The following ELOVL4 variants were observed in gnomAD, a reference collection of about 807,000 sequenced individuals.
ELOVL4 encodes the protein very long chain fatty acid elongase 4.
ELOVL4 carries 18 observed loss-of-function variants against 42.1 expected under a neutral mutation model. The ratio of observed to expected loss-of-function variants is 0.43; its 90% CI spans 0.30 to 0.63. The LOEUF (loss-of-function observed/expected upper bound fraction) is 0.63, where lower values mean the gene tolerates loss of function less well. ELOVL4 is among the 30% of genes least tolerant of loss of function. The pLI, the probability that ELOVL4 is intolerant of heterozygous loss-of-function variation, is 0.15. For synonymous variants in ELOVL4, 117 were observed against 127.0 expected (o/e 0.92, Z 0.53); for missense variants, 299 against 376.2 (o/e 0.79, Z 1.70).
At chr6:79,935,494 T>G (rs1429687277) in intron 1 of ELOVL4, among the ~76,000 whole-genome samples, 1 of 152,192 alleles carries the variant, frequency 6.6e-6, no homozygotes, top group Non-Finnish European at 1.5e-5. Context: ...AGAGGCAGCT[T>G]GATACAGGGA....
At chr6:79,932,066 A>G (rs1006403977) in intron 1 of ELOVL4, among the ~76,000 whole-genome samples, 2 of 152,212 alleles carry the variant, frequency 1.3e-5, no homozygotes, top group Admixed American at 6.5e-5. Flanking sequence ...TGTAATGAAA[A>G]TATTTTGAGA....
chr6:79,931,943 A>C (rs1774452393), intron 1 of ELOVL4, among the ~76,000 whole-genome samples: 1 of 152,196 alleles, frequency 6.6e-6, no homozygotes, highest in Non-Finnish European at 1.5e-5. Flanking sequence ...ACCTAAAGCC[A>C]AATATCATAG....
chr6:79,935,601 G>T (rs561606482), intron 1 of ELOVL4, among the ~76,000 whole-genome samples: 1 of 152,062 alleles, frequency 6.6e-6, no homozygotes, highest in Non-Finnish European at 1.5e-5. Context: ...CACTATTTTC[G>T]CATGTGTAAA....
intron 3 of ELOVL4, among the ~76,000 whole-genome samples, chr6:79,924,021 T>C (rs1774301595): frequency 6.6e-6 from 1 of 152,222 alleles, no homozygotes; most frequent in Non-Finnish European, 1.5e-5. Context: ...TGTTATGTTT[T>C]ATATGTAATT....
At position 79,931,273 on chromosome 6, in the gene ELOVL4, C is replaced by T. The variant is rs543623016; in HGVS notation, c.101-4892G>A. ...CCTATTAACCATTTTAAGCCTTTCA[C>T]GTTGTCATGTAAACCTTTACCTAAA... On this transcript the variant is annotated intron_variant, in intron 1 of 5. Transcript: ENST00000369816. Among the ~76,000 whole-genome samples the T allele has an allele frequency of 4.0e-4, 61 of 152,172 alleles. 1 individual carries two copies. Among genetic ancestry groups the T allele is most frequent in the Non-Finnish European group, 7.9e-4 (54 of 68,010 alleles).
Position 79,915,681 on chromosome 6 carries a change from G to C in ELOVL4, c.*927C>G, listed in dbSNP as rs1217324779. On this transcript the variant is annotated 3_prime_UTR_variant, in exon 6 of 6. Coordinates refer to ENST00000369816, the MANE Select transcript of ELOVL4 (RefSeq NM_022726.4). ...TTAATTTTAAATGTTCTTTCCAACG[G>C]AAGAGGTAGGTATATTTCCACATAT... 2 of 152,448 alleles carry C rather than the reference G, an allele frequency of 1.3e-5. No individual in the cohort carries two copies. Among genetic ancestry groups the C allele is most frequent in the African/African-American group, 4.8e-5 (2 of 41,388 alleles). 9.4% of individuals were successfully genotyped at this position (152,448 alleles called of 1,614,324 possible).
intron 1 of ELOVL4, among the ~76,000 whole-genome samples, chr6:79,946,503 G>GC: frequency 6.6e-6 from 1 of 152,040 alleles, no homozygotes. Context: ...CGGTGTTTTG[G>GC]CCTCCCCCTC....
intron 5 of ELOVL4, among the ~76,000 whole-genome samples, chr6:79,918,606 A>G (rs187146787): frequency 0.014 from 2,195 of 152,334 alleles, 28 homozygotes; most frequent in South Asian, 0.038. Flanking sequence ...GCAAAGATGA[A>G]TATTATTTCC....
rs1344305108 is a variant in ELOVL4 at position 79,947,104 on chromosome 6, C to A, written c.100+76G>T. Reference sequence around the variant, plus strand: ...GGGCGCGGGGGCCTGTGGGGCCGGGCCCGGGAGCTGCGAGACCAGGGGCCG... The same window carrying A: ...GGGCGCGGGGGCCTGTGGGGCCGGGACCGGGAGCTGCGAGACCAGGGGCCG... On this transcript the variant is annotated intron_variant, in intron 1 of 5. Transcript: ENST00000369816. 6.4e-6 allele frequency: 8 copies of A among 1,254,408 alleles called. No individual in the cohort carries two copies. The Admixed American group carries it at 9.7e-5, about 15-fold the overall frequency. The allele number at this position is 1,254,408 out of a possible 1,614,324, so 77.7% of individuals were successfully genotyped here.
At position 79,919,502 on chromosome 6, in the gene ELOVL4, T is replaced by A; in HGVS notation, c.587A>T (p.Tyr196Phe). Residue 196 changes from tyrosine (Y) to phenylalanine (F), a missense_variant, in exon 5 of 6, where the codon TAC (tyrosine) becomes TTC (phenylalanine). By Grantham distance (22) the Tyr-to-Phe change is conservative. Transcript: ENST00000369816. ...AAATGCAGTTAACCCATAGTATGAG[T>A]ACATAATCACATGGATAAAGGAATT... ...QLNSFIHVIM[Y>F]SYYGLTAFGP... The A allele has an allele frequency of 1.2e-6, 2 of 1,613,548 alleles. No individual in the cohort carries two copies. Among genetic ancestry groups the A allele is most frequent in the Admixed American group, 1.7e-5 (1 of 59,988 alleles).
chr6:79,945,436 C>T (rs1054617947), intron 1 of ELOVL4, among the ~76,000 whole-genome samples: 1 of 152,142 alleles, frequency 6.6e-6, no homozygotes, highest in Non-Finnish European at 1.5e-5. Flanking sequence ...TTTACACAAA[C>T]ATCATCAGGA....
At chr6:79,921,017 T>G (rs1406253919) in intron 4 of ELOVL4, among the ~76,000 whole-genome samples, 1 of 152,194 alleles carries the variant, frequency 6.6e-6, no homozygotes, top group Non-Finnish European at 1.5e-5. Context: ...GTCTTGGTAT[T>G]CTTTGGATCA....
At position 79,937,080 on chromosome 6, in the gene ELOVL4, T is replaced by C. The variant is rs572194926; in HGVS notation, c.100+10100A>G. On this transcript the variant is annotated intron_variant, in intron 1 of 5. Transcript: ENST00000369816. The stretch of plus-strand genomic sequence containing the variant: ...AAAAAATGGCAAAGAAGTCAGAATG[T>C]GATGGGCAGACAGGAGGGAACAGAG... Among the ~76,000 whole-genome samples the C allele has an allele frequency of 1.2e-4, 19 of 152,176 alleles. 1 individual carries two copies. The East Asian group carries it at 2.3e-3, about 19-fold the overall frequency.
intron 1 of ELOVL4, among the ~76,000 whole-genome samples, chr6:79,931,528 G>A (rs1004619459): frequency 6.6e-6 from 1 of 152,062 alleles, no homozygotes; most frequent in African/African-American, 2.4e-5. Context: ...ATTCTTTCAA[G>A]GGAAAGAAAA....
intron 1 of ELOVL4, among the ~76,000 whole-genome samples, chr6:79,928,254 G>A (rs548015600): frequency 3.9e-5 from 6 of 152,198 alleles, no homozygotes; most frequent in Non-Finnish European, 7.4e-5. Flanking sequence ...TTTTTCCCAT[G>A]AGACTTATAC....
At chr6:79,931,603 T>G (rs952289581) in intron 1 of ELOVL4, among the ~76,000 whole-genome samples, 1 of 152,214 alleles carries the variant, frequency 6.6e-6, no homozygotes, top group Non-Finnish European at 1.5e-5. Flanking sequence ...AGGAGCCAAG[T>G]CTTATACTTC....
intron 5 of ELOVL4, among the ~76,000 whole-genome samples, chr6:79,917,924 C>A (rs776398358): frequency 6.6e-6 from 1 of 151,890 alleles, no homozygotes; most frequent in African/African-American, 2.4e-5. Flanking sequence ...AGGAAAAAAG[C>A]CCAAAGTGAG....
At position 79,916,216 on chromosome 6, in the gene ELOVL4, T is replaced by C. The variant is rs115373359; in HGVS notation, c.*392A>G. The C allele has an allele frequency of 1.4e-4, 30 of 207,548 alleles. No individual in the cohort carries two copies. The highest frequency in any genetic ancestry group is 2.1e-4 in the Non-Finnish European group (21 of 101,314). 12.9% of individuals were successfully genotyped at this position (207,548 alleles called of 1,614,324 possible). ...GATTTCAGTCAGTAGATAAGATAAT[T>C]AGTAATTTATCAAAATAATTCATAA... On this transcript the variant is annotated 3_prime_UTR_variant, in exon 6 of 6. Coordinates refer to ENST00000369816, the MANE Select transcript of ELOVL4 (RefSeq NM_022726.4).
chr6:79,936,035 C>T (rs1041029845), intron 1 of ELOVL4, among the ~76,000 whole-genome samples: 1 of 152,182 alleles, frequency 6.6e-6, no homozygotes, highest in African/African-American at 2.4e-5. Context: ...CTGGTCTACT[C>T]AGAAATGTGA....
Sources: gnomAD v4.1 joint callset for allele counts (sites outside exome capture counted in the v4.1 genomes callset) on GRCh38, gnomAD v4.1.1 for gene constraint, MANE v1.5 for transcripts, NCBI Gene and HGNC (gene_info 2026-07-23, HGNC 2026-07-21) for gene names.